PDE1C: variants seen among roughly 807,000 people sequenced by gnomAD.
PDE1C encodes the protein phosphodiesterase 1C.
In PDE1C, 62 loss-of-function variants were observed where a neutral mutation model predicts 93.1. That is an observed-to-expected ratio of 0.67 (90% CI 0.54 to 0.82). The LOEUF is 0.82. Among genes scored for constraint, PDE1C ranks in the 40% least tolerant of loss-of-function variants. PDE1C has a pLI of 0.00. For missense variants in PDE1C, 742 were observed against 884.6 expected, an observed-to-expected ratio of 0.84 and a Z score of 2.04; for synonymous variants, 325 against 310.1, an observed-to-expected ratio of 1.05 and a Z score of -0.50.
Position 32,064,479 on chromosome 7 carries a change from C to T in PDE1C, c.101+5814G>A, listed in dbSNP as rs76763167. On this transcript the variant is annotated intron_variant, in intron 1 of 17. Coordinates refer to ENST00000396191, the MANE Select transcript of PDE1C (RefSeq NM_001191057.4). ...TCAAACATGCCCCCTGTTCTTTCATCTTCAGCAGCGCTACCCCAAATCAGG... is the reference window on the plus strand; with the variant it reads ...TCAAACATGCCCCCTGTTCTTTCATTTTCAGCAGCGCTACCCCAAATCAGG... Among the ~76,000 whole-genome samples the T allele has an allele frequency of 6.4e-3, 974 of 152,266 alleles. 8 individuals are homozygous for T. Among genetic ancestry groups the T allele is most frequent in the African/African-American group, 0.022 (922 of 41,558 alleles).
At chr7:32,197,708 CAT>C (rs929021823) in intron 2 of PDE1C, among the ~76,000 whole-genome samples, 7 of 152,142 alleles carry the variant, frequency 4.6e-5, no homozygotes, top group African/African-American at 1.7e-4. Flanking sequence ...CAATAGACCA[CAT>C]ATTGTATGAC....
At chr7:31,656,148 C>T in the PDE1C span, 1 of 411,610 alleles carries the variant, frequency 2.4e-6, no homozygotes, top group Non-Finnish European at 3.3e-6. Context: ...TGTTAAAACA[C>T]TGAAAACCTC....
chr7:31,965,007 A>AAAAAACAGAGCAG (rs1347236942), intron 2 of PDE1C, among the ~76,000 whole-genome samples: 1 of 152,200 alleles, frequency 6.6e-6, no homozygotes, highest in Admixed American at 6.5e-5. Flanking sequence ...AAGATGGGGA[A>AAAAAACAGAGCAG]AAAAACAGAG....
At chr7:32,009,710 A>C (rs1158554142) in intron 2 of PDE1C, among the ~76,000 whole-genome samples, 1 of 152,234 alleles carries the variant, frequency 6.6e-6, no homozygotes. Flanking sequence ...GAAAAGAAAG[A>C]AAACGTATGC....
the PDE1C span, among the ~76,000 whole-genome samples, chr7:31,745,944 C>A: frequency 1.3e-5 from 2 of 152,086 alleles, no homozygotes; most frequent in Non-Finnish European, 2.9e-5. Flanking sequence ...AAAAGAGAGA[C>A]CTTTGAGCAA....
chr7:32,250,888 G>C (rs539186195), intron 1 of PDE1C, among the ~76,000 whole-genome samples: 1 of 152,342 alleles, frequency 6.6e-6, no homozygotes, highest in South Asian at 2.1e-4. Context: ...AAGGCATCCT[G>C]TCATGGGCTT....
intron 1 of PDE1C, among the ~76,000 whole-genome samples, chr7:32,236,977 A>G (rs777238834): frequency 1.3e-5 from 2 of 152,132 alleles, no homozygotes; most frequent in Non-Finnish European, 2.9e-5. Flanking sequence ...GGAGAAAGCT[A>G]CTGATACATG....
At chr7:32,042,422 C>A (rs574242789) in intron 2 of PDE1C, among the ~76,000 whole-genome samples, 14 of 152,354 alleles carry the variant, frequency 9.2e-5, no homozygotes, top group Middle Eastern at 3.4e-3. Flanking sequence ...CATTTGTCTG[C>A]TCATTTGAGT....
intron 2 of PDE1C, among the ~76,000 whole-genome samples, chr7:32,202,026 C>T (rs745946840): frequency 6.6e-6 from 1 of 152,192 alleles, no homozygotes; most frequent in African/African-American, 2.4e-5. Flanking sequence ...AGAACACCAC[C>T]ATCCCAGGTA....
At chr7:31,632,885 CATTCATTTATTTATTT>C in the PDE1C span, among the ~76,000 whole-genome samples, 2 of 150,944 alleles carry the variant, frequency 1.3e-5, no homozygotes, top group Non-Finnish European at 3.0e-5. Flanking sequence ...TTTATTTATT[CATTCATTTATTTATTT>C]ATTTGAGACA....
At chr7:32,230,708 T>C (rs969666261) in intron 1 of PDE1C, among the ~76,000 whole-genome samples, 10 of 152,034 alleles carry the variant, frequency 6.6e-5, no homozygotes, top group Admixed American at 6.5e-4. Context: ...GAGTCACTGA[T>C]ACAGACCCTA....
At chr7:31,794,041 T>TAGAC (rs71559203) in intron 16 of PDE1C, among the ~76,000 whole-genome samples, 6,152 of 88,774 alleles carry the variant, frequency 0.069, 409 homozygotes, top group East Asian at 0.1. Flanking sequence ...GATAGATAGA[T>TAGAC]AGACAGACAG....
chr7:32,027,304 C>T (rs992310769), intron 2 of PDE1C, among the ~76,000 whole-genome samples: 11 of 152,018 alleles, frequency 7.2e-5, no homozygotes, highest in Non-Finnish European at 1.3e-4. Flanking sequence ...CTTCCTCTCA[C>T]TTTTGCTGTA....
intron 3 of PDE1C, among the ~76,000 whole-genome samples, chr7:32,168,536 C>T (rs570306788): frequency 6.6e-6 from 1 of 152,338 alleles, no homozygotes; most frequent in African/African-American, 2.4e-5. Flanking sequence ...GGTGAGAACA[C>T]ATAGACAGAG....
At chr7:31,978,124 C>T (rs1811905286) in intron 2 of PDE1C, among the ~76,000 whole-genome samples, 1 of 152,156 alleles carries the variant, frequency 6.6e-6, no homozygotes, top group African/African-American at 2.4e-5. Flanking sequence ...ACTGCACCCC[C>T]ACCCACTACT....
At chr7:32,295,373 C>T (rs1812563501) in intron 1 of PDE1C, among the ~76,000 whole-genome samples, 1 of 152,206 alleles carries the variant, frequency 6.6e-6, no homozygotes, top group Non-Finnish European at 1.5e-5. Context: ...AACTCTGCCA[C>T]CTAGCTGTGT....
At chr7:31,899,266 GTA>G (rs1799686025) in intron 2 of PDE1C, among the ~76,000 whole-genome samples, 1 of 151,110 alleles carries the variant, frequency 6.6e-6, no homozygotes. Context: ...AGTCTCCCGA[GTA>G]GCTGGGACTA....
chr7:32,049,329 C>T (rs1343827720), intron 2 of PDE1C, among the ~76,000 whole-genome samples: 1 of 152,166 alleles, frequency 6.6e-6, no homozygotes, highest in Non-Finnish European at 1.5e-5. Context: ...GCACTCTATG[C>T]TGCATATCAA....
intron 1 of PDE1C, among the ~76,000 whole-genome samples, chr7:32,401,293 C>T (rs2128095516): frequency 6.6e-6 from 1 of 152,216 alleles, no homozygotes; most frequent in South Asian, 2.1e-4. Context: ...AATCCCAGCA[C>T]TTTGGGAGGC....
Sources: allele counts gnomAD v4.1 joint callset (sites outside exome capture counted in the v4.1 genomes callset), GRCh38; gene constraint gnomAD v4.1.1; transcripts MANE v1.5; gene names NCBI Gene and HGNC (gene_info 2026-07-23, HGNC 2026-07-21).